The following CYFIP1 variants were observed in gnomAD, a reference collection of about 807,000 sequenced individuals.
The protein encoded by CYFIP1 is cytoplasmic FMR1-interacting protein 1.
A neutral mutation model predicts 163.5 loss-of-function variants in CYFIP1; 58 were observed. The ratio of observed to expected loss-of-function variants is 0.35; its 90% CI spans 0.29 to 0.44. CYFIP1 has a LOEUF of 0.44. Among genes scored for constraint, CYFIP1 ranks in the 20% least tolerant of loss-of-function variants. CYFIP1 has a pLI of 1.00. For missense variants in CYFIP1, 1,338 were observed against 1,653.8 expected, an observed-to-expected ratio of 0.81 and a Z score of 3.31; for synonymous variants, 663 against 660.7, an observed-to-expected ratio of 1.00 and a Z score of -0.05.
chr15:22,915,404 G>A (rs2142093512), intron 16 of CYFIP1, among the ~76,000 whole-genome samples: 1 of 152,142 alleles, frequency 6.6e-6, no homozygotes, highest in African/African-American at 2.4e-5. Context: ...GGATTAACAG[G>A]TATGAGCCAC....
intron 1 of CYFIP1, among the ~76,000 whole-genome samples, chr15:22,948,819 A>AAC (rs201773597): frequency 6.6e-6 from 1 of 151,948 alleles, no homozygotes; most frequent in African/African-American, 2.4e-5. Flanking sequence ...AAAAAAAAAA[A>AAC]AAAACCTCAG....
At chr15:22,929,421 C>G (rs562932930) in intron 11 of CYFIP1, among the ~76,000 whole-genome samples, 1 of 152,090 alleles carries the variant, frequency 6.6e-6, no homozygotes, top group African/African-American at 2.4e-5. Flanking sequence ...ATCACAAGGT[C>G]AAGAGATGGA....
At chr15:22,907,882 G>A (rs1595567965) in intron 21 of CYFIP1, among the ~76,000 whole-genome samples, 2 of 152,216 alleles carry the variant, frequency 1.3e-5, no homozygotes, top group African/African-American at 2.4e-5. Context: ...TTCTGTCCAC[G>A]TTAAGGTCTT....
chr15:22,959,760 C>T (rs370418465), intron 1 of CYFIP1, among the ~76,000 whole-genome samples: 5 of 152,164 alleles, frequency 3.3e-5, no homozygotes, highest in South Asian at 4.1e-4. Context: ...GAGGAACAGG[C>T]GCCACGGGCG....
chr15:22,947,445 G>A (rs772928496), intron 1 of CYFIP1, 154 bp from the exon 2 acceptor site: 4 of 1,044,200 alleles, frequency 3.8e-6, no homozygotes, highest in African/African-American at 1.6e-5. Context: ...TGGGAGTTGC[G>A]TGTCTCTCTC....
rs758432707 is a variant in CYFIP1 at position 22,939,430 on chromosome 15, T to C, written c.647A>G (p.Asn216Ser). 1.9e-5 allele frequency: 30 copies of C among 1,613,942 alleles called. No homozygotes were observed. Among genetic ancestry groups the C allele is most frequent in the African/African-American group, 4.0e-5 (3 of 74,864 alleles). The change falls in exon 7 of 31, where the codon AAT becomes AGT. Residue 216 changes from asparagine to serine, a missense_variant. Coordinates refer to ENST00000617928, the MANE Select transcript of CYFIP1 (RefSeq NM_014608.6). ...ESQNLSMFLANHNKITQSLQQ... is the reference protein window; with the variant it reads ...ESQNLSMFLASHNKITQSLQQ... The stretch of plus-strand genomic sequence containing the variant: ...CCTTACCTGTGTGATCTTGTTATGA[T>C]TGGCCAGGAACATGGACAGATTCTG...
chr15:22,962,640 G>A (rs1358438184), intron 1 of CYFIP1, among the ~76,000 whole-genome samples: 1 of 151,904 alleles, frequency 6.6e-6, no homozygotes, highest in African/African-American at 2.4e-5. Context: ...CCGACCTCAG[G>A]TGATCCACCA....
intron 13 of CYFIP1, among the ~76,000 whole-genome samples, chr15:22,920,159 CTTT>C (rs71117470): frequency 1.5e-4 from 11 of 75,528 alleles, no homozygotes; most frequent in Non-Finnish European, 1.8e-4. Context: ...ATTAAGGCAG[CTTT>C]TTTTTTTTTT....
At chr15:22,886,718 G>A (rs574166347) in intron 23 of CYFIP1, among the ~76,000 whole-genome samples, 1 of 152,264 alleles carries the variant, frequency 6.6e-6, no homozygotes, top group South Asian at 2.1e-4. Context: ...CTATCTTGGT[G>A]AATGTTTCAT....
In CYFIP1 at chr15:22,961,252, C is replaced by T. The variant is rs1056656026; in HGVS notation, c.-6-13961G>A. On this transcript the variant is annotated intron_variant, in intron 1 of 30. Coordinates refer to ENST00000617928, the MANE Select transcript of CYFIP1 (RefSeq NM_014608.6). ...GGCCAGGCTGGTCTCGAACTCCTGACCTCAAGTGATCCGCCGGCTTTGGCC... is the reference window on the plus strand; with the variant it reads ...GGCCAGGCTGGTCTCGAACTCCTGATCTCAAGTGATCCGCCGGCTTTGGCC... Among the ~76,000 whole-genome samples the T allele has an allele frequency of 8.7e-4, 133 of 152,208 alleles. 3 individuals are homozygous for T. Among genetic ancestry groups the T allele is most frequent in the African/African-American group, 3.1e-3 (130 of 41,540 alleles).
intron 26 of CYFIP1, among the ~76,000 whole-genome samples, chr15:22,876,272 G>A (rs915236966): frequency 7.2e-5 from 11 of 151,944 alleles, no homozygotes; most frequent in East Asian, 2.0e-4. Context: ...AGACTTTTCC[G>A]TACTCATCAA....
At chr15:22,934,177 C>CCT (rs2061630322) in intron 9 of CYFIP1, among the ~76,000 whole-genome samples, 2 of 66,150 alleles carry the variant, frequency 3.0e-5, no homozygotes, top group Middle Eastern at 0.013. Context: ...GCATTTCTTT[C>CCT]TTTTTTTTTT....
Position 22,944,561 on chromosome 15 carries a change from G to C in CYFIP1, c.384C>G (p.Phe128Leu), listed in dbSNP as rs377250174. The C allele has an allele frequency of 6.2e-7, 1 of 1,608,298 alleles. No individual in the cohort carries two copies. Among genetic ancestry groups the C allele is most frequent in the African/African-American group, 1.3e-5 (1 of 74,814 alleles). The change falls in exon 5 of 31, where the codon TTC (phenylalanine) becomes TTG (leucine). Residue 128 changes from phenylalanine to leucine, a missense_variant. Physicochemically the swap from Phe to Leu is conservative, Grantham distance 22. Transcript: ENST00000617928. ...EVTKLMNFMY[F>L]QRNAIERFCG... ...CCCAGATTATTTGCCATTTTACCTG[G>C]AAGTACATGAAATTCATCAGTTTTG...
chr15:22,946,929 AC>A, intron 3 of CYFIP1, 73 bp downstream of exon 3: 1 of 1,288,218 alleles, frequency 7.8e-7, no homozygotes. Context: ...TTGGGATAAT[AC>A]CAAAAAGTAT....
intron 16 of CYFIP1, among the ~76,000 whole-genome samples, chr15:22,915,627 T>C (rs770378847): frequency 9.9e-5 from 15 of 152,118 alleles, no homozygotes; most frequent in Admixed American, 4.6e-4. Context: ...TGAGCACCTA[T>C]AATCCCAGCT....
chr15:22,974,290 G>A (rs1173068207), intron 1 of CYFIP1, among the ~76,000 whole-genome samples: 1 of 152,152 alleles, frequency 6.6e-6, no homozygotes, highest in African/African-American at 2.4e-5. Context: ...TCCATCAACA[G>A]ATGAGCAAGG....
intron 8 of CYFIP1, among the ~76,000 whole-genome samples, chr15:22,938,324 C>A (rs756974592): frequency 3.3e-5 from 5 of 152,172 alleles, no homozygotes; most frequent in African/African-American, 1.2e-4. Context: ...ACAAAGCTGG[C>A]GGGGCATGGT....
chr15:22,962,465 C>G, intron 1 of CYFIP1, among the ~76,000 whole-genome samples: 1 of 150,272 alleles, frequency 6.7e-6, no homozygotes, highest in East Asian at 1.9e-4. Flanking sequence ...ATGGTACAAT[C>G]TCAGCTCACC....
intron 17 of CYFIP1, among the ~76,000 whole-genome samples, chr15:22,912,732 GGGCAATAC>G (rs1217718689): frequency 3.9e-5 from 6 of 152,118 alleles, no homozygotes; most frequent in Non-Finnish European, 7.3e-5. Flanking sequence ...AGACCAGCCT[GGGCAATAC>G]GGCAATACTG....
Sources: gnomAD v4.1 joint callset for allele counts (sites outside exome capture counted in the v4.1 genomes callset) on GRCh38, gnomAD v4.1.1 for gene constraint, MANE v1.5 for transcripts, NCBI Gene and HGNC (gene_info 2026-07-23, HGNC 2026-07-21) for gene names.